Variants in CCNF observed in about 807,000 individuals in gnomAD.
The protein encoded by CCNF is cyclin F.
CCNF carries 30 observed loss-of-function variants against 85.4 expected under a neutral mutation model. The ratio of observed to expected loss-of-function variants is 0.35; its 90% CI spans 0.26 to 0.48. The LOEUF (loss-of-function observed/expected upper bound fraction) is 0.48, where lower values mean the gene tolerates loss of function less well. Among genes scored for constraint, CCNF ranks in the 20% least tolerant of loss-of-function variants. CCNF has a pLI of 0.99. For synonymous variants in CCNF, 439 were observed against 425.1 expected (o/e 1.03, Z -0.40); for missense variants, 919 against 1,010.4 (o/e 0.91, Z 1.23).
intron 10 of CCNF, 107 bp downstream of exon 10, chr16:2,445,729 G>GTTTT: frequency 3.2e-6 from 3 of 927,426 alleles, no homozygotes; most frequent in South Asian, 3.6e-5. Context: ...GTTTTGTGTT[G>GTTTT]TTTTTTTTTT....
intron 5 of CCNF, 28 bp downstream of exon 5, chr16:2,437,350 C>T (rs1423926971): frequency 9.2e-6 from 14 of 1,528,674 alleles, no homozygotes; most frequent in African/African-American, 4.1e-5. Flanking sequence ...GCAGCACCTG[C>T]GAGGCCACCT....
rs1567383180 is a variant in CCNF at position 2,435,630 on chromosome 16, TATATATGCACACAC to T, written c.279-169_279-156del. On this transcript the variant is annotated intron_variant, in intron 3 of 16. Transcript: ENST00000397066. ...ATATATATGCACACACACACACACA[TATATATGCACACAC>T]ATATATATATGCACACACACACATA... Among the ~76,000 whole-genome samples the T allele has an allele frequency of 9.4e-4, 10 of 10,642 alleles. 2 individuals are homozygous for T. The East Asian group carries it at 0.023, about 25-fold the overall frequency. 7.0% of individuals were successfully genotyped at this position (10,642 alleles called of 152,430 possible). A position where few individuals can be genotyped will look rare whatever the true frequency, so the allele number is the denominator to read the frequency against.
intron 3 of CCNF, among the ~76,000 whole-genome samples, chr16:2,434,864 G>A (rs1033801162): frequency 4.6e-5 from 7 of 152,148 alleles, no homozygotes; most frequent in Non-Finnish European, 2.9e-5. Context: ...GCAACACGTG[G>A]TCTTTCGTGG....
rs377394838 is a variant in CCNF, at chr16:2,448,723, C to T, written c.1095-132C>T. 369 of 780,170 alleles carry T rather than the reference C, an allele frequency of 4.7e-4. No individual in the cohort carries two copies. In the African/African-American group the frequency reaches 5.6e-3, roughly 12 times the overall value. 48.3% of individuals were successfully genotyped at this position (780,170 alleles called of 1,614,324 possible). On this transcript the variant is annotated intron_variant, in intron 10 of 16. Transcript: ENST00000397066. ...CAGGCAGCTGGCTCCATTATGAAGCCTCTGTTTGTCACCAAAGCCCAACGC... is the reference window on the plus strand; with the variant it reads ...CAGGCAGCTGGCTCCATTATGAAGCTTCTGTTTGTCACCAAAGCCCAACGC...
chr16:2,437,017 CT>C, intron 4 of CCNF, 111 bp from the exon 5 acceptor site: 1 of 870,630 alleles, frequency 1.1e-6, no homozygotes. Context: ...AACACAGCTG[CT>C]TTGCACTATG....
rs1043772165 is a variant in CCNF at position 2,451,924 on chromosome 16, C to A, written c.1488-1286C>A. 3.9e-5 allele frequency among the ~76,000 whole-genome samples: 6 copies of A among 152,208 alleles called. No individual in the cohort carries two copies. The highest frequency in any genetic ancestry group is 7.3e-5 in the Non-Finnish European group (5 of 68,034). ...CCACATCTCAACCTTGACCTGCCAC[C>A]CCCCTGCCAGCGTGACTCAGCCAAC... On this transcript the variant is annotated intron_variant, in intron 13 of 16. Coordinates refer to ENST00000397066, the MANE Select transcript of CCNF (RefSeq NM_001761.3). This position sits in a 1 kb window ranked among gnomAD's most constrained non-coding sequence, Gnocchi z 4.3.
chr16:2,430,901 T>G, intron 1 of CCNF: 1 of 702,752 alleles, frequency 1.4e-6, no homozygotes, highest in Non-Finnish European at 2.6e-6. Flanking sequence ...GCCATAAATA[T>G]TTGTTGAATA....
chr16:2,439,559 T>TTGC, intron 7 of CCNF, 102 bp downstream of exon 7: 1 of 977,784 alleles, frequency 1.0e-6, no homozygotes, highest in Non-Finnish European at 1.6e-6. Context: ...GAGGTGGCTC[T>TTGC]TGCTGCTCCC....
intron 3 of CCNF, among the ~76,000 whole-genome samples, chr16:2,433,563 G>A (rs1377875001): frequency 6.6e-6 from 1 of 152,102 alleles, no homozygotes; most frequent in Non-Finnish European, 1.5e-5. Context: ...TTTCTTTTTT[G>A]TTGTTGTTTT....
At chr16:2,431,375 C>A in intron 2 of CCNF, 91 bp downstream of exon 2, 1 of 1,439,372 alleles carries the variant, frequency 6.9e-7, no homozygotes, top group Non-Finnish European at 9.5e-7. Flanking sequence ...AAAACTTTGG[C>A]TAAAAAAGAG....
intron 13 of CCNF, among the ~76,000 whole-genome samples, chr16:2,450,695 C>T (rs1356129875): frequency 1.3e-5 from 2 of 152,166 alleles, no homozygotes; most frequent in South Asian, 2.1e-4. Context: ...ACTGGCACAC[C>T]GTGGCCCTCA....
rs1491496089 is a variant in CCNF, at chr16:2,443,166, TAA to T, written c.778-482_778-481del. ...TATTGTATATAATATATATTATATA[TAA>T]TATATATATAATATATAATATATAT... On this transcript the variant is annotated intron_variant, in intron 8 of 16. Transcript: ENST00000397066. Among the ~76,000 whole-genome samples, 28 of 9,722 alleles carry T rather than the reference TAA, an allele frequency of 2.9e-3. No homozygotes were observed. In the African/African-American group the frequency reaches 0.088, roughly 31 times the overall value. The allele number at this position is 9,722 out of a possible 152,430, so 6.4% of individuals were successfully genotyped here. A position where few individuals can be genotyped will look rare whatever the true frequency, so the allele number is the denominator to read the frequency against.
chr16:2,439,662 T>C (rs1288234982), intron 7 of CCNF, 87 bp from the exon 8 acceptor site: 1 of 1,126,268 alleles, frequency 8.9e-7, no homozygotes, highest in Admixed American at 1.9e-5. Flanking sequence ...GGTGGGAAGT[T>C]AGCGTAGTGT....
In CCNF at chr16:2,457,033, A is replaced by AT. The variant is rs1223963838; in HGVS notation, c.*16dup. 5 of 1,558,352 alleles carry AT rather than the reference A, an allele frequency of 3.2e-6. No homozygotes were observed. Among genetic ancestry groups the AT allele is most frequent in the Non-Finnish European group, 4.4e-6 (5 of 1,147,556 alleles). Reference sequence around the variant, plus strand: ...TGTGAGGCTGTAAGTGTGTCAGCACATTTGCCGCAGTGGATGTGTACTGAG... The same window carrying AT: ...TGTGAGGCTGTAAGTGTGTCAGCACATTTTGCCGCAGTGGATGTGTACTGAG... On this transcript the variant is annotated 3_prime_UTR_variant, in exon 17 of 17. Coordinates refer to ENST00000397066, the MANE Select transcript of CCNF (RefSeq NM_001761.3).
rs1360597422 is a variant in CCNF, at chr16:2,456,640, G to A, written c.1981G>A (p.Glu661Lys). The A allele has an allele frequency of 6.2e-7, 1 of 1,612,348 alleles. No homozygotes were observed. The highest frequency in any genetic ancestry group is 1.3e-5 in the African/African-American group (1 of 74,864). Reference sequence around the variant, plus strand: ...ATCCAGTGATGAGGAGGCTTGTCCAGAGGACAAGGGACCCCAGGACCCACA... The same window carrying A: ...ATCCAGTGATGAGGAGGCTTGTCCAAAGGACAAGGGACCCCAGGACCCACA... ...QESSDEEACP[E>K]DKGPQDPQAL... Residue 661 changes from glutamate (E) to lysine (K), a missense_variant, in exon 17 of 17, where the codon GAG (glutamate) becomes AAG (lysine). Physicochemically the swap from Glu to Lys is moderately conservative, Grantham distance 56. This residue lies in a region of CCNF where 505 missense variants were observed against 514.8 expected (regional missense o/e 0.98). Coordinates refer to ENST00000397066, the MANE Select transcript of CCNF (RefSeq NM_001761.3). This position sits in a 1 kb window ranked among gnomAD's most constrained non-coding sequence, Gnocchi z 4.5.
At chr16:2,438,037 T>C in intron 5 of CCNF, 33 bp from the exon 6 acceptor site, 11 of 1,550,134 alleles carry the variant, frequency 7.1e-6, no homozygotes, top group Non-Finnish European at 9.8e-6. Flanking sequence ...TTCTCTGTGC[T>C]GGAAATCACA....
intron 6 of CCNF, among the ~76,000 whole-genome samples, chr16:2,438,552 G>A (rs766136327): frequency 3.3e-5 from 5 of 151,072 alleles, no homozygotes. Flanking sequence ...GAGGCAGGGA[G>A]AATTGCTTGA....
chr16:2,429,665 G>T (rs2065252883), intron 1 of CCNF, among the ~76,000 whole-genome samples, 168 bp downstream of exon 1: 1 of 152,154 alleles, frequency 6.6e-6, no homozygotes. Context: ...AGCCCCGGCG[G>T]CCGGGCGCGC....
At position 2,451,774 on chromosome 16, in the gene CCNF, G is replaced by C. The variant is rs2065396626; in HGVS notation, c.1488-1436G>C. ...CCTCCCTCGGGGGCTTCGGCTTCCTGCCCTAGGCCATGCGGCCTAGGTGTT... is the reference window on the plus strand; with the variant it reads ...CCTCCCTCGGGGGCTTCGGCTTCCTCCCCTAGGCCATGCGGCCTAGGTGTT... On this transcript the variant is annotated intron_variant, in intron 13 of 16. Transcript: ENST00000397066. The surrounding 1 kb of genome is among the most constrained non-coding windows in gnomAD (Gnocchi z 4.3). 6.6e-6 allele frequency among the ~76,000 whole-genome samples: 1 copy of C among 152,164 alleles called. No individual in the cohort carries two copies. The highest frequency in any genetic ancestry group is 1.5e-5 in the Non-Finnish European group (1 of 68,012).
Sources: allele counts gnomAD v4.1 joint callset (sites outside exome capture counted in the v4.1 genomes callset), GRCh38; gene constraint gnomAD v4.1.1; regional missense constraint gnomAD v4.1.1; non-coding constraint Gnocchi (gnomAD v3.1); transcripts MANE v1.5; gene names NCBI Gene and HGNC (gene_info 2026-07-23, HGNC 2026-07-21).